HNRNPL: variants seen among roughly 807,000 people sequenced by gnomAD.
The protein encoded by HNRNPL is epididymis secretory sperm binding protein.
HNRNPL carries 12 observed loss-of-function variants against 64.0 expected under a neutral mutation model. That is an observed-to-expected ratio of 0.19 (90% CI 0.12 to 0.30). The LOEUF (loss-of-function observed/expected upper bound fraction) is 0.30, where lower values mean the gene tolerates loss of function less well. Among genes scored for constraint, HNRNPL ranks in the 10% least tolerant of loss-of-function variants. The pLI is 1.00. For missense variants in HNRNPL, 484 were observed against 797.4 expected (o/e 0.61, Z 4.73); for synonymous variants, 385 against 313.0 (o/e 1.23, Z -2.43).
chr19:38,837,002 T>G, intron 12 of HNRNPL: 1 of 548,392 alleles, frequency 1.8e-6, no homozygotes, highest in Middle Eastern at 4.3e-4. Flanking sequence ...CCTATCTCCT[T>G]CGCCAGCCCA....
upstream of HNRNPL, among the ~76,000 whole-genome samples, chr19:38,850,582 C>G (rs1366629960): frequency 6.6e-6 from 1 of 152,164 alleles, no homozygotes; most frequent in African/African-American, 2.4e-5. Context: ...GTGCAGTATA[C>G]GAAACGAGCG....
chr19:38,847,107 A>C (rs1245358529), intron 2 of HNRNPL, among the ~76,000 whole-genome samples: 1 of 152,180 alleles, frequency 6.6e-6, no homozygotes, highest in African/African-American at 2.4e-5. Context: ...AGAAACTACA[A>C]GGCAGAGGAA....
At chr19:38,842,067 G>A (rs1466399005) in intron 6 of HNRNPL, 2 of 129,160 alleles carry the variant, frequency 1.5e-5, no homozygotes, top group Non-Finnish European at 3.5e-5. Flanking sequence ...TTTTAGGTCT[G>A]TTTTGGTTTT....
intron 1 of HNRNPL, chr19:38,847,656 T>C: frequency 6.2e-6 from 2 of 320,648 alleles, no homozygotes; most frequent in East Asian, 4.8e-5. Context: ...CCACTGGCTC[T>C]TGCTGTAGCT....
At chr19:38,847,204 A>C (rs1972329265) in intron 2 of HNRNPL, 112 bp downstream of exon 2, 1 of 542,624 alleles carries the variant, frequency 1.8e-6, no homozygotes, top group Non-Finnish European at 3.3e-6. Flanking sequence ...CGGCCACAGA[A>C]TCTAGACCAG....
rs570794773 is a variant in HNRNPL, at chr19:38,848,466, A to T, written c.268-1032T>A. Among the ~76,000 whole-genome samples the T allele has an allele frequency of 2.6e-5, 4 of 152,360 alleles. No homozygotes were observed. In the East Asian group the frequency reaches 7.7e-4, roughly 29 times the overall value. On this transcript the variant is annotated intron_variant, in intron 1 of 12. Transcript: ENST00000221419. The stretch of plus-strand genomic sequence containing the variant: ...CCGACTGCTCCTTCCTAAGAGAAGT[A>T]TCTTACACCCACCGACAAAAGCCTC...
chr19:38,840,753 T>TC (rs1972090489), intron 6 of HNRNPL, 194 bp from the exon 7 acceptor site: 1 of 604,730 alleles, frequency 1.7e-6, no homozygotes, highest in African/African-American at 1.9e-5. Flanking sequence ...TGGTGCCCAC[T>TC]CTCCTTCCCC....
At chr19:38,851,439 A>G (rs1487198530), upstream of HNRNPL, among the ~76,000 whole-genome samples, 2 of 152,124 alleles carry the variant, frequency 1.3e-5, no homozygotes, top group African/African-American at 2.4e-5. Context: ...TGTGGGGGGG[A>G]ACACCTTAGC....
chr19:38,839,205 T>C (rs1286991415), intron 8 of HNRNPL, 190 bp from the exon 9 acceptor site: 3 of 616,456 alleles, frequency 4.9e-6, no homozygotes, highest in Non-Finnish European at 8.4e-6. Flanking sequence ...GCCTGGGCCA[T>C]GTTTTTAACT....
intron 1 of HNRNPL, 160 bp from the exon 2 acceptor site, chr19:38,847,594 CAGA>C (rs997939750): frequency 2.5e-5 from 10 of 398,012 alleles, no homozygotes; most frequent in Non-Finnish European, 4.1e-5. Flanking sequence ...CCAATCAGCC[CAGA>C]AGGATTCTGG....
upstream of HNRNPL, among the ~76,000 whole-genome samples, chr19:38,851,996 C>A (rs553836885): frequency 6.6e-6 from 1 of 151,776 alleles, no homozygotes. Flanking sequence ...GGGGTCGCTC[C>A]GTCCCAACGT....
chr19:38,843,534 A>C (rs1031666745), intron 6 of HNRNPL: 3 of 396,448 alleles, frequency 7.6e-6, no homozygotes. Flanking sequence ...CTCTCAAAGG[A>C]GCCACTGCTG....
At chr19:38,846,821 T>C (rs1003250762) in intron 2 of HNRNPL, among the ~76,000 whole-genome samples, 3 of 152,110 alleles carry the variant, frequency 2.0e-5, no homozygotes, top group Non-Finnish European at 4.4e-5. Flanking sequence ...GGCAGGAGAA[T>C]GGCGTGAACC....
chr19:38,849,938 T>C lies in HNRNPL; in HGVS notation c.29A>G (p.Glu10Gly). 7.3e-7 allele frequency: 1 copy of C among 1,376,016 alleles called. No homozygotes were observed. Among genetic ancestry groups the C allele is most frequent in the Non-Finnish European group, 9.6e-7 (1 of 1,044,300 alleles). The allele number at this position is 1,376,016 out of a possible 1,614,324, so 85.2% of individuals were successfully genotyped here. ...CTGCTCCAGCCGCCGACGCCGCTTC[T>C]CCGCCCGGGGCAGCAGCCTCCGCGA... MSRRLLPRAEKRRRRLEQRQ... is the reference protein window; with the variant it reads MSRRLLPRAGKRRRRLEQRQ... The change falls in exon 1 of 13, where the codon GAG (glutamate) becomes GGG (glycine). Residue 10 changes from glutamate to glycine, a missense_variant. This residue lies in a region of HNRNPL where 190 missense variants were observed against 160.1 expected (regional missense o/e 1.19). Coordinates refer to ENST00000221419, the MANE Select transcript of HNRNPL (RefSeq NM_001533.3).
chr19:38,849,590 G>A (rs932023753), intron 1 of HNRNPL, 110 bp downstream of exon 1: 14 of 1,255,880 alleles, frequency 1.1e-5, no homozygotes, highest in East Asian at 3.1e-5. Context: ...TCAACGACGC[G>A]ATGGCCTGGG....
At chr19:38,843,575 CAGTG>C in intron 6 of HNRNPL, 1 of 491,926 alleles carries the variant, frequency 2.0e-6, no homozygotes, top group Non-Finnish European at 3.6e-6. Flanking sequence ...GCCTCATCCT[CAGTG>C]AGGCCCTGCT....
In HNRNPL at chr19:38,836,461, GA is replaced by G. The variant is rs35971309; in HGVS notation, c.*260del. 0.075 allele frequency: 23,237 copies of G among 309,680 alleles called. 993 individuals are homozygous for G. The highest frequency in any genetic ancestry group is 0.2 in the African/African-American group (8,977 of 45,278). The allele number at this position is 309,680 out of a possible 1,614,324, so 19.2% of individuals were successfully genotyped here. On this transcript the variant is annotated 3_prime_UTR_variant, in exon 13 of 13. Coordinates refer to ENST00000221419, the MANE Select transcript of HNRNPL (RefSeq NM_001533.3). ...ATGGGCAGCACAAATGTATGAACAG[GA>G]AAAAAAAAAATCACATGTACAATAA...
rs1972073741 is a variant in HNRNPL at position 38,840,382 on chromosome 19, G to A, written c.953-6C>T. ...GTACCCACCGTGGGGCCCTCCTGGG[G>A]GGTGGGAAGGAAAGAGAGGGAGGAC... On this transcript the variant is annotated splice_polypyrimidine_tract_variant and splice_region_variant and intron_variant, in intron 7 of 12. Transcript: ENST00000221419. 2 of 1,558,340 alleles carry A rather than the reference G, an allele frequency of 1.3e-6. No individual in the cohort carries two copies. The highest frequency in any genetic ancestry group is 4.5e-5 in the East Asian group (2 of 44,332).
chr19:38,846,203 C>T, intron 2 of HNRNPL, 113 bp from the exon 3 acceptor site: 1 of 815,672 alleles, frequency 1.2e-6, no homozygotes, highest in Non-Finnish European at 2.1e-6. Flanking sequence ...CCTCTGCAAC[C>T]CTATCATGGT....
Sources: allele counts gnomAD v4.1 joint callset (sites outside exome capture counted in the v4.1 genomes callset), GRCh38; gene constraint gnomAD v4.1.1; regional missense constraint gnomAD v4.1.1; transcripts MANE v1.5; gene names NCBI Gene and HGNC (gene_info 2026-07-23, HGNC 2026-07-21).